Variants in BLTP3B observed in about 807,000 individuals in gnomAD.
BLTP3B encodes the protein bridge-like lipid transfer protein family member 3B, also known as UHRF1 (ICBP90) binding protein 1-like.
At chr12:100,088,893 T>C in the BLTP3B span, 1 of 1,503,966 alleles carries the variant, frequency 6.6e-7, no homozygotes, top group African/African-American at 1.4e-5. Flanking sequence ...CAAAATAGTT[T>C]GAAATAAGCA....
the BLTP3B span, among the ~76,000 whole-genome samples, chr12:100,063,737 G>A: frequency 1.3e-5 from 2 of 151,506 alleles, no homozygotes; most frequent in African/African-American, 2.4e-5. Flanking sequence ...AGAAAAAAAG[G>A]GAGAATACCA....
chr12:100,050,532 T>G, the BLTP3B span, among the ~76,000 whole-genome samples: 1 of 152,138 alleles, frequency 6.6e-6, no homozygotes, highest in Admixed American at 6.5e-5. Context: ...TTGTAAAATG[T>G]TTTTCATTAA....
chr12:100,058,713 T>C, the BLTP3B span: 38 of 1,614,042 alleles, frequency 2.4e-5, no homozygotes, highest in Middle Eastern at 1.6e-4. Flanking sequence ...AATGGATGTC[T>C]GACTAGCAGG....
the BLTP3B span, among the ~76,000 whole-genome samples, chr12:100,087,158 C>CAAAAAAA: frequency 3.3e-5 from 2 of 59,842 alleles, no homozygotes; most frequent in African/African-American, 1.3e-4. Flanking sequence ...GACTCCATCT[C>CAAAAAAA]AAAAAAAAAA....
chr12:100,095,352 T>C, the BLTP3B span, among the ~76,000 whole-genome samples: 1 of 152,206 alleles, frequency 6.6e-6, no homozygotes, highest in African/African-American at 2.4e-5. Flanking sequence ...ACCCAGGTTT[T>C]TTCCTCATTT....
At chr12:100,084,805 C>A in the BLTP3B span, 2 of 762,298 alleles carry the variant, frequency 2.6e-6, no homozygotes, top group South Asian at 2.2e-5. Context: ...CATGTAATTT[C>A]GAAATATGAG....
the BLTP3B span, among the ~76,000 whole-genome samples, chr12:100,043,488 T>C: frequency 6.6e-6 from 1 of 152,374 alleles, no homozygotes; most frequent in East Asian, 1.9e-4. Context: ...ATTTCTAGCT[T>C]ATAATTATAA....
At chr12:100,128,717 C>T in the BLTP3B span, 9 of 1,287,470 alleles carry the variant, frequency 7.0e-6, no homozygotes, top group Admixed American at 2.1e-4. Context: ...CCACAGCCAG[C>T]AGGGAACGCT....
At chr12:100,130,503 T>C in the BLTP3B span, among the ~76,000 whole-genome samples, 1 of 152,190 alleles carries the variant, frequency 6.6e-6, no homozygotes, top group African/African-American at 2.4e-5. Context: ...CCAAAAGAGA[T>C]AATCAAAATC....
chr12:100,088,327 C>T, the BLTP3B span, among the ~76,000 whole-genome samples: 9 of 152,128 alleles, frequency 5.9e-5, no homozygotes, highest in African/African-American at 9.7e-5. Flanking sequence ...GAAACAAAAA[C>T]GCCCAGCGCC....
At chr12:100,047,712 G>T in the BLTP3B span, 1 of 1,162,416 alleles carries the variant, frequency 8.6e-7, no homozygotes, top group Non-Finnish European at 1.3e-6. Context: ...GATAACACAT[G>T]TATCTTTATA....
At chr12:100,038,561 C>T in the BLTP3B span, among the ~76,000 whole-genome samples, 10 of 152,240 alleles carry the variant, frequency 6.6e-5, no homozygotes, top group East Asian at 7.7e-4. Context: ...GTCTCGAACT[C>T]GCGACCTCAG....
chr12:100,052,883 T>C, the BLTP3B span, among the ~76,000 whole-genome samples: 1 of 142,182 alleles, frequency 7.0e-6, no homozygotes, highest in African/African-American at 2.6e-5. Context: ...AGCCTCCGCC[T>C]CCCGGGTTCA....
the BLTP3B span, among the ~76,000 whole-genome samples, chr12:100,041,715 G>A: frequency 7.8e-4 from 119 of 152,154 alleles, 1 homozygote; most frequent in African/African-American, 2.4e-3. Flanking sequence ...GATTACAGGC[G>A]TGAGCCACCG....
chr12:100,111,064 TAAACGTCCC>T, the BLTP3B span, among the ~76,000 whole-genome samples: 277 of 152,196 alleles, frequency 1.8e-3, 1 homozygote, highest in Middle Eastern at 3.4e-3. Context: ...GAAAACAATC[TAAACGTCCC>T]AAGAGGGATA....
chr12:100,048,771 A>AGG, the BLTP3B span, among the ~76,000 whole-genome samples: 2 of 114,980 alleles, frequency 1.7e-5, no homozygotes, highest in Non-Finnish European at 3.6e-5. Flanking sequence ...AGTGAGAGTG[A>AGG]GTGTGTGTGT....
chr12:100,092,747 G>T, the BLTP3B span: 1 of 201,378 alleles, frequency 5.0e-6, no homozygotes, highest in South Asian at 1.8e-4. Flanking sequence ...CTTTAACTAC[G>T]ACTGCCATCT....
chr12:100,067,793 A>C, the BLTP3B span, among the ~76,000 whole-genome samples: 4 of 152,186 alleles, frequency 2.6e-5, no homozygotes, highest in Non-Finnish European at 5.9e-5. Context: ...TACAAGGAAA[A>C]CTACAAAACA....
At chr12:100,132,281 G>C in the BLTP3B span, among the ~76,000 whole-genome samples, 1 of 152,206 alleles carries the variant, frequency 6.6e-6, no homozygotes, top group Non-Finnish European at 1.5e-5. Context: ...TTTCCCGCTA[G>C]AGTCTCAATA....
Sources: gnomAD v4.1 joint callset for allele counts (sites outside exome capture counted in the v4.1 genomes callset) on GRCh38, gnomAD v4.1.1 for gene constraint, MANE v1.5 for transcripts, NCBI Gene and HGNC (gene_info 2026-07-23, HGNC 2026-07-21) for gene names.